The following PCP4 variants were observed in gnomAD, a reference collection of about 807,000 sequenced individuals.
PCP4 encodes the protein Purkinje cell protein 4, also known as calmodulin regulator protein PCP4.
Under a neutral mutation model 10.0 loss-of-function variants are expected in PCP4, and 8 were observed. The ratio of observed to expected loss-of-function variants is 0.80; its 90% CI spans 0.47 to 1.45. The LOEUF (loss-of-function observed/expected upper bound fraction) is 1.45. Among genes scored for constraint, PCP4 ranks in the 40% most tolerant of loss-of-function variants. The pLI is 0.00. For missense variants in PCP4, 54 were observed against 74.4 expected (o/e 0.73, Z 1.01); for synonymous variants, 21 against 23.0 (o/e 0.91, Z 0.24).
intron 2 of PCP4, among the ~76,000 whole-genome samples, chr21:39,923,713 G>C (rs1223195863): frequency 6.6e-6 from 1 of 152,222 alleles, no homozygotes; most frequent in Non-Finnish European, 1.5e-5. Flanking sequence ...GTGTGAAGGA[G>C]AAAGTGGTAA....
intron 2 of PCP4, among the ~76,000 whole-genome samples, chr21:39,928,535 T>C (rs1420535121): frequency 6.6e-6 from 1 of 152,218 alleles, no homozygotes; most frequent in Non-Finnish European, 1.5e-5. Flanking sequence ...AGCAAATCTT[T>C]CCTGAGAATG....
intron 2 of PCP4, among the ~76,000 whole-genome samples, chr21:39,917,217 C>G (rs530036821): frequency 6.6e-6 from 1 of 152,340 alleles, no homozygotes; most frequent in East Asian, 1.9e-4. Context: ...CTTGACTGCT[C>G]CTAATGTTGC....
At chr21:39,885,445 C>T (rs181579368) in intron 1 of PCP4, among the ~76,000 whole-genome samples, 15 of 152,266 alleles carry the variant, frequency 9.9e-5, no homozygotes, top group Admixed American at 6.5e-4. Flanking sequence ...ACAAGGCAGC[C>T]GAGAAGGACA....
intron 1 of PCP4, among the ~76,000 whole-genome samples, chr21:39,879,772 C>T (rs563501824): frequency 3.0e-4 from 46 of 152,308 alleles, no homozygotes; most frequent in African/African-American, 9.9e-4. Context: ...TTTGAGGTAA[C>T]GTAGCTCAGA....
At chr21:39,899,644 C>T (rs961778727) in intron 2 of PCP4, among the ~76,000 whole-genome samples, 5 of 152,096 alleles carry the variant, frequency 3.3e-5, no homozygotes, top group Non-Finnish European at 5.9e-5. Context: ...GTGGGGGCTC[C>T]ACAATGTCCT....
At chr21:39,913,097 G>T (rs73215394) in intron 2 of PCP4, among the ~76,000 whole-genome samples, 1 of 151,954 alleles carries the variant, frequency 6.6e-6, no homozygotes, top group African/African-American at 2.4e-5. Flanking sequence ...TTACTTCTGG[G>T]GTATTTAATT....
chr21:39,889,553 A>G (rs1465532346), intron 1 of PCP4, among the ~76,000 whole-genome samples: 2 of 148,892 alleles, frequency 1.3e-5, no homozygotes, highest in Non-Finnish European at 3.0e-5. Flanking sequence ...AGTAGCTGGG[A>G]CTACAGGCAC....
chr21:39,894,605 C>G (rs2087448325), intron 1 of PCP4, among the ~76,000 whole-genome samples: 1 of 152,112 alleles, frequency 6.6e-6, no homozygotes, highest in African/African-American at 2.4e-5. Context: ...TTCATGATAC[C>G]ATTGAATCAT....
intron 1 of PCP4, 128 bp downstream of exon 1, chr21:39,867,638 T>C: frequency 1.1e-6 from 1 of 942,736 alleles, no homozygotes. Context: ...AATTATTTGC[T>C]TGGAGAACTG....
intron 1 of PCP4, among the ~76,000 whole-genome samples, chr21:39,886,067 A>C (rs947472795): frequency 6.6e-6 from 1 of 152,168 alleles, no homozygotes; most frequent in African/African-American, 2.4e-5. Flanking sequence ...TAATAAGGAC[A>C]CAGTCCTATT....
chr21:39,924,158 G>A (rs2087609999), intron 2 of PCP4, among the ~76,000 whole-genome samples: 1 of 152,164 alleles, frequency 6.6e-6, no homozygotes, highest in African/African-American at 2.4e-5. Context: ...ACACCCTGAG[G>A]CTGGAGAGCC....
chr21:39,924,530 C>T (rs2087611504), intron 2 of PCP4, among the ~76,000 whole-genome samples: 1 of 152,056 alleles, frequency 6.6e-6, no homozygotes, highest in African/African-American at 2.4e-5. Flanking sequence ...GACACGAGGC[C>T]TGTGTTCTTT....
intron 2 of PCP4, among the ~76,000 whole-genome samples, chr21:39,922,143 T>C (rs1401880814): frequency 6.6e-6 from 1 of 152,218 alleles, no homozygotes; most frequent in Non-Finnish European, 1.5e-5. Flanking sequence ...TGAGTCACCA[T>C]GCCTGGCCCT....
intron 1 of PCP4, among the ~76,000 whole-genome samples, chr21:39,868,814 G>T (rs2087306000): frequency 6.6e-6 from 1 of 152,204 alleles, no homozygotes; most frequent in African/African-American, 2.4e-5. Flanking sequence ...AATGCTGGGT[G>T]GTTGACTGCC....
intron 1 of PCP4, among the ~76,000 whole-genome samples, chr21:39,870,850 T>C: frequency 6.6e-6 from 1 of 152,232 alleles, no homozygotes; most frequent in East Asian, 1.9e-4. Context: ...CTGGGCTTTT[T>C]TCTTGCTTTG....
chr21:39,921,711 C>T (rs1008402419), intron 2 of PCP4, among the ~76,000 whole-genome samples: 1 of 152,182 alleles, frequency 6.6e-6, no homozygotes, highest in Admixed American at 6.5e-5. Flanking sequence ...GGTGAGGACA[C>T]AGCAAAAAGG....
intron 2 of PCP4, among the ~76,000 whole-genome samples, chr21:39,912,865 A>G (rs9808780): frequency 0.66 from 99,631 of 151,946 alleles, 33,073 homozygotes; most frequent in Middle Eastern, 0.7. Context: ...GCGGGCCACT[A>G]TAACCAGATA....
intron 1 of PCP4, among the ~76,000 whole-genome samples, chr21:39,885,044 A>T (rs2087393370): frequency 6.6e-6 from 1 of 152,266 alleles, no homozygotes; most frequent in Admixed American, 6.5e-5. Context: ...ATGTTACTTT[A>T]TAATGAATAG....
intron 1 of PCP4, among the ~76,000 whole-genome samples, chr21:39,890,787 C>T (rs903630704): frequency 9.2e-5 from 14 of 152,070 alleles, no homozygotes; most frequent in Admixed American, 3.9e-4. Context: ...AAATTTTGTG[C>T]CCAGGGGAAA....
Sources: allele counts gnomAD v4.1 joint callset (sites outside exome capture counted in the v4.1 genomes callset), GRCh38; gene constraint gnomAD v4.1.1; transcripts MANE v1.5; gene names NCBI Gene and HGNC (gene_info 2026-07-23, HGNC 2026-07-21).